GPC5: variants seen among roughly 807,000 people sequenced by gnomAD.
GPC5 encodes glypican-5.
A neutral mutation model predicts 53.9 loss-of-function variants in GPC5; 47 were observed. That is an observed-to-expected ratio of 0.87 (90% CI 0.69 to 1.11). The LOEUF is 1.11. GPC5 is among the 50% of genes most tolerant of loss of function. The pLI, the probability that GPC5 is intolerant of heterozygous loss-of-function variation, is 0.00. For missense variants in GPC5, 748 were observed against 713.1 expected, an observed-to-expected ratio of 1.05 and a Z score of -0.56; for synonymous variants, 286 against 263.3, an observed-to-expected ratio of 1.09 and a Z score of -0.84.
At chr13:92,864,458 T>C (rs547510986) in intron 7 of GPC5, among the ~76,000 whole-genome samples, 1 of 152,224 alleles carries the variant, frequency 6.6e-6, no homozygotes, top group South Asian at 2.1e-4. Context: ...AAGCTCAGAA[T>C]GGCATAAGAA....
intron 7 of GPC5, among the ~76,000 whole-genome samples, chr13:92,246,602 A>C (rs2042652639): frequency 6.6e-6 from 1 of 152,150 alleles, no homozygotes; most frequent in Non-Finnish European, 1.5e-5. Context: ...ACTATTTCTG[A>C]AAAACAACTA....
At chr13:91,851,421 C>T (rs1180959224) in intron 5 of GPC5, among the ~76,000 whole-genome samples, 4 of 152,062 alleles carry the variant, frequency 2.6e-5, no homozygotes, top group Non-Finnish European at 5.9e-5. Flanking sequence ...AATGTGAAGA[C>T]CAAAGACATT....
At chr13:91,463,668 A>G (rs1247261959) in intron 2 of GPC5, among the ~76,000 whole-genome samples, 1 of 152,154 alleles carries the variant, frequency 6.6e-6, no homozygotes, top group East Asian at 1.9e-4. Flanking sequence ...CATAGGTACA[A>G]AGGCTATTCA....
chr13:92,351,931 C>A (rs561343393), intron 7 of GPC5, among the ~76,000 whole-genome samples: 6 of 151,902 alleles, frequency 3.9e-5, no homozygotes, highest in Non-Finnish European at 8.8e-5. Context: ...ATCAAAATTC[C>A]GAAGTAATTA....
chr13:92,678,543 A>C (rs1156243799), intron 7 of GPC5, among the ~76,000 whole-genome samples: 1 of 152,208 alleles, frequency 6.6e-6, no homozygotes, highest in Admixed American at 6.6e-5. Flanking sequence ...GAGGAGAAAG[A>C]CATCTGCTTT....
chr13:92,130,878 G>C (rs1215221074), intron 6 of GPC5, among the ~76,000 whole-genome samples: 1 of 151,592 alleles, frequency 6.6e-6, no homozygotes. Flanking sequence ...GGAATTACAA[G>C]TATTTTAATA....
intron 6 of GPC5, among the ~76,000 whole-genome samples, chr13:92,072,076 A>G (rs1221748612): frequency 1.4e-5 from 2 of 146,196 alleles, no homozygotes; most frequent in Non-Finnish European, 1.5e-5. Flanking sequence ...TATATATAAA[A>G]ATATATAATT....
intron 6 of GPC5, among the ~76,000 whole-genome samples, chr13:92,118,445 G>A (rs2041617971): frequency 6.6e-6 from 1 of 152,112 alleles, no homozygotes; most frequent in South Asian, 2.1e-4. Context: ...CTCTCTCGAA[G>A]TTCTAAGTGC....
intron 4 of GPC5, among the ~76,000 whole-genome samples, chr13:91,752,556 C>T (rs1350126508): frequency 1.3e-5 from 2 of 152,212 alleles, no homozygotes; most frequent in Non-Finnish European, 2.9e-5. Context: ...GCATTTTGTA[C>T]TGTGAAGAAT....
chr13:92,776,589 G>A (rs949739763), intron 7 of GPC5, among the ~76,000 whole-genome samples: 1 of 152,172 alleles, frequency 6.6e-6, no homozygotes, highest in Non-Finnish European at 1.5e-5. Context: ...CTCAATGTCT[G>A]ATAGAATAGG....
chr13:91,748,972 A>G (rs995797662), intron 4 of GPC5, among the ~76,000 whole-genome samples: 1 of 152,062 alleles, frequency 6.6e-6, no homozygotes, highest in Non-Finnish European at 1.5e-5. Context: ...CTGTCATGGA[A>G]TGAGGTTTAG....
At chr13:91,956,044 T>G (rs1383242191) in intron 6 of GPC5, among the ~76,000 whole-genome samples, 2 of 152,068 alleles carry the variant, frequency 1.3e-5, no homozygotes, top group African/African-American at 4.8e-5. Flanking sequence ...CCCCAGCCAC[T>G]GCTGCTCCAA....
At chr13:91,818,629 T>C (rs992748891) in intron 5 of GPC5, among the ~76,000 whole-genome samples, 1 of 152,120 alleles carries the variant, frequency 6.6e-6, no homozygotes, top group African/African-American at 2.4e-5. Flanking sequence ...AGATTGAGCA[T>C]TGATTAAAAG....
rs1267944673 is a variant in GPC5 at position 92,706,720 on chromosome 13, T to G, written c.1562-159562T>G. Among the ~76,000 whole-genome samples the G allele has an allele frequency of 3.9e-5, 6 of 152,150 alleles. No homozygotes were observed. The South Asian group carries it at 8.3e-4, about 21-fold the overall frequency. ...TATTTTCCGCTAACTAACTAACTTATCAAGACAAATTGAAGCATTCACATA... is the reference window on the plus strand; with the variant it reads ...TATTTTCCGCTAACTAACTAACTTAGCAAGACAAATTGAAGCATTCACATA... On this transcript the variant is annotated intron_variant, in intron 7 of 7. Transcript: ENST00000377067.
intron 7 of GPC5, among the ~76,000 whole-genome samples, chr13:92,175,776 G>A (rs573741690): frequency 1.3e-5 from 2 of 151,304 alleles, no homozygotes; most frequent in East Asian, 3.9e-4. Flanking sequence ...TTGCAAATAT[G>A]TGATATTCCT....
At chr13:91,988,651 T>C (rs541589602) in intron 6 of GPC5, among the ~76,000 whole-genome samples, 11 of 152,152 alleles carry the variant, frequency 7.2e-5, no homozygotes, top group Non-Finnish European at 1.6e-4. Flanking sequence ...CAATTTCTGA[T>C]TGGTCACGAT....
chr13:92,066,432 T>TGAA (rs374742226), intron 6 of GPC5, among the ~76,000 whole-genome samples: 10 of 145,798 alleles, frequency 6.9e-5, no homozygotes, highest in Admixed American at 1.4e-4. Flanking sequence ...AGAACAAACC[T>TGAA]GAAAAAAAAA....
intron 1 of GPC5, among the ~76,000 whole-genome samples, chr13:91,404,977 T>G (rs975600006): frequency 6.6e-6 from 1 of 152,220 alleles, no homozygotes; most frequent in Non-Finnish European, 1.5e-5. Flanking sequence ...CCATTTCCCA[T>G]GCTGTTAAAT....
chr13:91,867,164 G>A lies in GPC5; in HGVS notation c.1281-40773G>A, dbSNP rs1044852823. On this transcript the variant is annotated intron_variant, in intron 5 of 7. Transcript: ENST00000377067. Reference sequence around the variant, plus strand: ...GGGGAGGCAGAGGTTGTGGCAAGCCGAGGTCACGCCATTGTGCTCCAGCCT... The same window carrying A: ...GGGGAGGCAGAGGTTGTGGCAAGCCAAGGTCACGCCATTGTGCTCCAGCCT... Among the ~76,000 whole-genome samples, 7 of 152,186 alleles carry A rather than the reference G, an allele frequency of 4.6e-5. No individual in the cohort carries two copies. In the East Asian group the frequency reaches 7.7e-4, roughly 17 times the overall value.
Sources: allele counts gnomAD v4.1 joint callset (sites outside exome capture counted in the v4.1 genomes callset), GRCh38; gene constraint gnomAD v4.1.1; transcripts MANE v1.5; gene names NCBI Gene and HGNC (gene_info 2026-07-23, HGNC 2026-07-21).